Variants in NXPH1 observed in about 807,000 individuals in gnomAD.
The protein encoded by NXPH1 is neurexophilin 1.
In NXPH1, 5 loss-of-function variants were observed where a neutral mutation model predicts 23.7. That is an observed-to-expected ratio of 0.21 (90% confidence interval 0.11 to 0.44). NXPH1 has a LOEUF of 0.44. Among genes scored for constraint, NXPH1 ranks in the 20% least tolerant of loss-of-function variants. The probability of loss-of-function intolerance (pLI) is 0.99; values close to 1 mark genes in which losing one functional copy is unlikely to be tolerated. For synonymous variants in NXPH1, 144 were observed against 122.2 expected, an observed-to-expected ratio of 1.18 and a Z score of -1.18; for missense variants, 324 against 321.6, an observed-to-expected ratio of 1.01 and a Z score of -0.06.
intron 2 of NXPH1, among the ~76,000 whole-genome samples, chr7:8,453,717 C>T (rs539060623): frequency 6.6e-6 from 1 of 152,196 alleles, no homozygotes; most frequent in Non-Finnish European, 1.5e-5. Flanking sequence ...ATAACGGCTT[C>T]CAGCTCTACC....
intron 2 of NXPH1, among the ~76,000 whole-genome samples, chr7:8,609,722 C>T (rs1335783767): frequency 6.6e-6 from 1 of 152,082 alleles, no homozygotes; most frequent in Non-Finnish European, 1.5e-5. Context: ...AGAATGATCT[C>T]AACATGACAC....
intron 2 of NXPH1, among the ~76,000 whole-genome samples, chr7:8,594,072 C>G (rs1480171760): frequency 6.6e-6 from 1 of 151,924 alleles, no homozygotes; most frequent in Non-Finnish European, 1.5e-5. Flanking sequence ...TTAAAGGTTT[C>G]TCTGAAAGCC....
At chr7:8,671,775 G>A (rs1440015129) in intron 2 of NXPH1, among the ~76,000 whole-genome samples, 2 of 152,126 alleles carry the variant, frequency 1.3e-5, no homozygotes, top group African/African-American at 2.4e-5. Context: ...GTTTTAGGAT[G>A]GAATGAAATA....
chr7:8,605,115 C>G (rs939766266), intron 2 of NXPH1, among the ~76,000 whole-genome samples: 1 of 152,002 alleles, frequency 6.6e-6, no homozygotes, highest in Admixed American at 6.6e-5. Context: ...CAGATTCATT[C>G]TTAATTACTA....
At chr7:8,452,966 G>A in intron 2 of NXPH1, among the ~76,000 whole-genome samples, 1 of 152,002 alleles carries the variant, frequency 6.6e-6, no homozygotes, top group Non-Finnish European at 1.5e-5. Flanking sequence ...TGCTTTTCTG[G>A]GGAAAGTCTC....
At chr7:8,739,072 T>C (rs1432223830) in intron 2 of NXPH1, among the ~76,000 whole-genome samples, 1 of 143,850 alleles carries the variant, frequency 7.0e-6, no homozygotes, top group Non-Finnish European at 1.5e-5. Context: ...TCCTTGGGGG[T>C]GGGATCCACT....
At chr7:8,491,011 G>A (rs977139465) in intron 2 of NXPH1, among the ~76,000 whole-genome samples, 3 of 151,986 alleles carry the variant, frequency 2.0e-5, no homozygotes, top group African/African-American at 7.2e-5. Context: ...TTCTTGTAGT[G>A]ACACCTGCGA....
chr7:8,702,621 G>A (rs965877867), intron 2 of NXPH1, among the ~76,000 whole-genome samples: 2 of 151,912 alleles, frequency 1.3e-5, no homozygotes, highest in Non-Finnish European at 2.9e-5. Context: ...TATTTTCCTG[G>A]CTCCATTTAG....
chr7:8,681,490 C>T (rs1375942563), intron 2 of NXPH1, among the ~76,000 whole-genome samples: 1 of 151,996 alleles, frequency 6.6e-6, no homozygotes, highest in Non-Finnish European at 1.5e-5. Context: ...TGGGGAAAGT[C>T]CATGAGTTGG....
rs538294778 is a variant in NXPH1 at position 8,435,948 on chromosome 7, C to G, written c.54+181C>G. 1.4e-3 allele frequency among the ~76,000 whole-genome samples: 211 copies of G among 152,250 alleles called. 1 individual carries two copies. Among genetic ancestry groups the G allele is most frequent in the African/African-American group, 4.7e-3 (196 of 41,550 alleles). On this transcript the variant is annotated intron_variant, in intron 2 of 2. Coordinates refer to ENST00000405863, the MANE Select transcript of NXPH1 (RefSeq NM_152745.3). This position sits in a 1 kb window ranked among gnomAD's most constrained non-coding sequence, Gnocchi z 5.9. ...CCTGCGGATTTTCCGGGGTTCCCAC[C>G]CCATTTTCTGCTCCAATCCCCCAGT...
At position 8,442,358 on chromosome 7, in the gene NXPH1, C is replaced by G. The variant is rs914873664; in HGVS notation, c.54+6591C>G. Among the ~76,000 whole-genome samples, 8 of 152,192 alleles carry G rather than the reference C, an allele frequency of 5.3e-5. No homozygotes were observed. Among genetic ancestry groups the G allele is most frequent in the African/African-American group, 1.7e-4 (7 of 41,448 alleles). ...GAAACTGGCTTGCGGGAGCTCTGCGCGTCCCCGCTGAACCTGCCTCTGGCC... is the reference window on the plus strand; with the variant it reads ...GAAACTGGCTTGCGGGAGCTCTGCGGGTCCCCGCTGAACCTGCCTCTGGCC... On this transcript the variant is annotated intron_variant, in intron 2 of 2. Transcript: ENST00000405863. The surrounding 1 kb of genome is among the most constrained non-coding windows in gnomAD (Gnocchi z 4.6).
chr7:8,726,840 G>A (rs1350558399), intron 2 of NXPH1, among the ~76,000 whole-genome samples: 2 of 151,684 alleles, frequency 1.3e-5, no homozygotes, highest in African/African-American at 2.4e-5. Context: ...TAGTCCTTTG[G>A]GTATATACCC....
At chr7:8,631,704 T>C (rs368196302) in intron 2 of NXPH1, among the ~76,000 whole-genome samples, 5 of 152,204 alleles carry the variant, frequency 3.3e-5, no homozygotes, top group African/African-American at 1.2e-4. Context: ...ACAATGTTGA[T>C]AGCACTTGCA....
chr7:8,514,887 CT>C (rs36116370), intron 2 of NXPH1, among the ~76,000 whole-genome samples: 1 of 152,112 alleles, frequency 6.6e-6, no homozygotes, highest in Non-Finnish European at 1.5e-5. Flanking sequence ...AGGAAATTTA[CT>C]TTACTGTCTT....
rs977018632 is a variant in NXPH1, at chr7:8,435,339, C to G, written c.-110-265C>G. ...CAGCCTGCACGCGGCTCAGTGTGCT[C>G]CGCCGCCTGGGAACTCGCACCCGAG... is the stretch of plus-strand genomic sequence containing the variant. On this transcript the variant is annotated intron_variant, in intron 1 of 2. Transcript: ENST00000405863. This position sits in a 1 kb window ranked among gnomAD's most constrained non-coding sequence, Gnocchi z 5.9. 3.0e-6 allele frequency: 1 copy of G among 332,518 alleles called. No individual in the cohort carries two copies. Among genetic ancestry groups the G allele is most frequent in the Non-Finnish European group, 5.6e-6 (1 of 177,206 alleles). The allele number at this position is 332,518 out of a possible 1,614,324, so 20.6% of individuals were successfully genotyped here.
Position 8,657,050 on chromosome 7 carries a change from T to C in NXPH1, c.55-93958T>C, listed in dbSNP as rs562030567. ...ATCTTTGATTCAGTGTTTATTGTAC[T>C]TCTATGTACATGATGTCCTAACTGT... On this transcript the variant is annotated intron_variant, in intron 2 of 2. Transcript: ENST00000405863. Among the ~76,000 whole-genome samples the C allele has an allele frequency of 7.7e-3, 1,173 of 152,356 alleles. 12 individuals carry two copies. Among genetic ancestry groups the C allele is most frequent in the South Asian group, 9.3e-3 (45 of 4,830 alleles).
At chr7:8,448,235 G>C (rs1451206626) in intron 2 of NXPH1, among the ~76,000 whole-genome samples, 1 of 152,228 alleles carries the variant, frequency 6.6e-6, no homozygotes, top group Non-Finnish European at 1.5e-5. Context: ...AATTCACAGA[G>C]TTAATGTATT....
At chr7:8,531,129 G>A (rs1817942853) in intron 2 of NXPH1, among the ~76,000 whole-genome samples, 1 of 152,138 alleles carries the variant, frequency 6.6e-6, no homozygotes, top group Non-Finnish European at 1.5e-5. Context: ...CTTGGCAAGT[G>A]GAGATAATAA....
intron 2 of NXPH1, among the ~76,000 whole-genome samples, chr7:8,496,445 G>A (rs1817337615): frequency 2.6e-5 from 4 of 152,060 alleles, no homozygotes; most frequent in African/African-American, 9.7e-5. Context: ...CTGAGATTGT[G>A]TTCATAATTT....
Sources: gnomAD v4.1 joint callset for allele counts (sites outside exome capture counted in the v4.1 genomes callset) on GRCh38, gnomAD v4.1.1 for gene constraint, Gnocchi (gnomAD v3.1) non-coding constraint, MANE v1.5 for transcripts, NCBI Gene and HGNC (gene_info 2026-07-23, HGNC 2026-07-21) for gene names.